The following CEP85L variants were observed in gnomAD, a reference collection of about 807,000 sequenced individuals.
CEP85L encodes the protein centrosomal protein 85L.
A neutral mutation model predicts 100.3 loss-of-function variants in CEP85L; 60 were observed. That is an observed-to-expected ratio of 0.60 (90% CI 0.49 to 0.74). The LOEUF (loss-of-function observed/expected upper bound fraction) is 0.74. Among genes scored for constraint, CEP85L ranks in the 30% least tolerant of loss-of-function variants. CEP85L has a pLI of 0.00. For missense variants in CEP85L, 973 were observed against 936.2 expected (o/e 1.04, Z -0.51); for synonymous variants, 319 against 322.7 (o/e 0.99, Z 0.12).
At chr6:118,689,138 A>G (rs762835825) in intron 1 of CEP85L, among the ~76,000 whole-genome samples, 8 of 152,274 alleles carry the variant, frequency 5.3e-5, no homozygotes, top group Non-Finnish European at 1.0e-4. Flanking sequence ...TTACCTCGCC[A>G]CTACACACAA....
At chr6:118,501,754 A>G in intron 5 of CEP85L, 1 of 897,494 alleles carries the variant, frequency 1.1e-6, no homozygotes, top group Non-Finnish European at 1.8e-6. Context: ...AAAAACTTGA[A>G]AGCAGAAAGA....
At chr6:118,547,622 T>C (rs1314252564) in intron 3 of CEP85L, among the ~76,000 whole-genome samples, 2 of 152,150 alleles carry the variant, frequency 1.3e-5, no homozygotes, top group Non-Finnish European at 2.9e-5. Flanking sequence ...GGGTGTTGTA[T>C]GTATCAGTTT....
At chr6:118,502,858 G>A in intron 5 of CEP85L, 2 of 594,700 alleles carry the variant, frequency 3.4e-6, no homozygotes, top group Non-Finnish European at 6.3e-6. Flanking sequence ...CCCCTGTCAT[G>A]GAAAACAACT....
At position 118,650,668 on chromosome 6, in the gene CEP85L, C is replaced by T. The variant is rs553047115; in HGVS notation, c.73+529G>A. 1.3e-3 allele frequency among the ~76,000 whole-genome samples: 202 copies of T among 152,306 alleles called. 1 individual carries two copies. The highest frequency in any genetic ancestry group is 4.5e-3 in the African/African-American group (189 of 41,576). ...GCGGCCGCATCTCTGGCAGCATCCT[C>T]CCTCCCGAAAACGCGCCCTAAAAGT... On this transcript the variant is annotated intron_variant, in intron 1 of 12. Coordinates refer to ENST00000368491, the MANE Select transcript of CEP85L (RefSeq NM_001042475.3).
Position 118,600,298 on chromosome 6 carries a change from GGGGTGTGTGTGTGTGTGTGTGTGTGTGT to G in CEP85L, c.232+32127_232+32154del, listed in dbSNP as rs1781675783. 1.5e-4 allele frequency among the ~76,000 whole-genome samples: 9 copies of G among 59,152 alleles called. 1 individual carries two copies. Among genetic ancestry groups the G allele is most frequent in the South Asian group, 5.4e-4 (1 of 1,848 alleles). 38.8% of individuals were successfully genotyped at this position (59,152 alleles called of 152,430 possible). A position where few individuals can be genotyped will look rare whatever the true frequency, so the allele number is the denominator to read the frequency against. Reference sequence around the variant, plus strand: ...TACTGCCTGTCCCTGAGCCTTCCTGGGGGTGTGTGTGTGTGTGTGTGTGTGTGTGTGTGTGTGTGTGTGTGTGTGTGTG... The same window carrying G: ...TACTGCCTGTCCCTGAGCCTTCCTGGGTGTGTGTGTGTGTGTGTGTGTGTG... On this transcript the variant is annotated intron_variant, in intron 2 of 12. Transcript: ENST00000368491.
chr6:118,599,503 C>CAT, intron 2 of CEP85L, among the ~76,000 whole-genome samples: 1 of 152,048 alleles, frequency 6.6e-6, no homozygotes, highest in East Asian at 1.9e-4. Flanking sequence ...AATTCCAAAT[C>CAT]ATATATATAA....
At chr6:118,552,110 CTA>C (rs1027551607) in intron 3 of CEP85L, among the ~76,000 whole-genome samples, 1 of 151,882 alleles carries the variant, frequency 6.6e-6, no homozygotes, top group Non-Finnish European at 1.5e-5. Flanking sequence ...AAAAAACATC[CTA>C]GAGTATATCA....
At chr6:118,519,566 GTGTGTGTGT>G (rs1562223328) in intron 4 of CEP85L, among the ~76,000 whole-genome samples, 2 of 10,774 alleles carry the variant, frequency 1.9e-4, no homozygotes, top group African/African-American at 2.2e-4. Context: ...GTGTGTGTGT[GTGTGTGTGT>G]GTGTGTGGCG....
Position 118,480,383 on chromosome 6 carries a change from G to A in CEP85L, c.1863+13C>T, listed in dbSNP as rs1343606654. 1.2e-5 allele frequency: 17 copies of A among 1,428,838 alleles called. No individual in the cohort carries two copies. The highest frequency in any genetic ancestry group is 1.7e-5 in the Non-Finnish European group (17 of 1,015,402). 88.5% of individuals were successfully genotyped at this position (1,428,838 alleles called of 1,614,324 possible). A position where few individuals can be genotyped will look rare whatever the true frequency, so the allele number is the denominator to read the frequency against. ...CATAGATTTCACGTTTATGATCTAA[G>A]GTATCTACTGACCTTACTAGCAGTC... is the stretch of plus-strand genomic sequence containing the variant. On this transcript the variant is annotated intron_variant, in intron 9 of 12. Transcript: ENST00000368491.
At chr6:118,578,776 G>A (rs1445902559) in intron 2 of CEP85L, among the ~76,000 whole-genome samples, 2 of 152,142 alleles carry the variant, frequency 1.3e-5, no homozygotes, top group East Asian at 3.8e-4. Context: ...GTGTGCTCTC[G>A]CGAGCGTGAC....
At chr6:118,543,730 A>G (rs1562245796) in intron 3 of CEP85L, among the ~76,000 whole-genome samples, 1 of 152,230 alleles carries the variant, frequency 6.6e-6, no homozygotes, top group South Asian at 2.1e-4. Flanking sequence ...GTAGGCATAC[A>G]TGGCAATGGA....
intron 5 of CEP85L, among the ~76,000 whole-genome samples, chr6:118,503,480 T>C (rs1299271640): frequency 2.0e-5 from 3 of 151,996 alleles, no homozygotes; most frequent in East Asian, 3.8e-4. Context: ...AGAATATCCA[T>C]CACAATACTA....
chr6:118,496,445 C>A (rs914060007), intron 5 of CEP85L, among the ~76,000 whole-genome samples: 1 of 150,388 alleles, frequency 6.6e-6, no homozygotes, highest in Non-Finnish European at 1.5e-5. Context: ...ACCTCCACCC[C>A]CGGGGTTCAA....
chr6:118,512,671 GAA>G (rs1453676392), intron 4 of CEP85L, among the ~76,000 whole-genome samples: 3 of 152,044 alleles, frequency 2.0e-5, no homozygotes, highest in Non-Finnish European at 4.4e-5. Flanking sequence ...CTGAGGCTGA[GAA>G]ACCCAGGGTT....
chr6:118,475,498 C>T (rs188108257), intron 10 of CEP85L, among the ~76,000 whole-genome samples: 1,596 of 151,592 alleles, frequency 0.011, 22 homozygotes, highest in Middle Eastern at 0.044. Context: ...GGACTATAGG[C>T]GCCCGCCACC....
chr6:118,494,913 T>C (rs553246521), intron 5 of CEP85L, among the ~76,000 whole-genome samples: 27 of 152,140 alleles, frequency 1.8e-4, no homozygotes, highest in African/African-American at 6.3e-4. Context: ...AAGATTATGA[T>C]AGAAAATGTA....
intron 2 of CEP85L, among the ~76,000 whole-genome samples, chr6:118,587,882 A>G (rs1459381213): frequency 6.6e-6 from 1 of 152,218 alleles, no homozygotes; most frequent in African/African-American, 2.4e-5. Flanking sequence ...TTATATGTAA[A>G]GAAAGGAAAG....
chr6:118,561,274 C>T lies in CEP85L; in HGVS notation c.1020+4255G>A, dbSNP rs74501081. 8.5e-3 allele frequency among the ~76,000 whole-genome samples: 1,300 copies of T among 152,172 alleles called. 16 individuals carry two copies. Among genetic ancestry groups the T allele is most frequent in the African/African-American group, 0.03 (1,236 of 41,522 alleles). On this transcript the variant is annotated intron_variant, in intron 3 of 12. Coordinates refer to ENST00000368491, the MANE Select transcript of CEP85L (RefSeq NM_001042475.3). The stretch of plus-strand genomic sequence containing the variant: ...GTAAATTACCAATACAGAAAGTATC[C>T]CTAGTCTTAAAAACAAGTGGAAAAT...
At chr6:118,607,462 A>G (rs1583157647) in intron 2 of CEP85L, among the ~76,000 whole-genome samples, 1 of 151,048 alleles carries the variant, frequency 6.6e-6, no homozygotes, top group Non-Finnish European at 1.5e-5. Context: ...GGGAAGAAAA[A>G]CCTCCCCATG....
Sources: allele counts gnomAD v4.1 joint callset (sites outside exome capture counted in the v4.1 genomes callset), GRCh38; gene constraint gnomAD v4.1.1; transcripts MANE v1.5; gene names NCBI Gene and HGNC (gene_info 2026-07-23, HGNC 2026-07-21).